UST: variants seen among roughly 807,000 people sequenced by gnomAD.
UST encodes the protein uronyl 2-sulfotransferase.
UST carries 21 observed loss-of-function variants against 45.6 expected under a neutral mutation model. That is an observed-to-expected ratio of 0.46 (90% CI 0.33 to 0.66). UST has a LOEUF of 0.66. Among genes scored for constraint, UST ranks in the 30% least tolerant of loss-of-function variants. The pLI, the probability that UST is intolerant of heterozygous loss-of-function variation, is 0.02. For synonymous variants in UST, 215 were observed against 200.6 expected, an observed-to-expected ratio of 1.07 and a Z score of -0.61; for missense variants, 463 against 512.4, an observed-to-expected ratio of 0.90 and a Z score of 0.93.
intron 1 of UST, among the ~76,000 whole-genome samples, chr6:148,859,056 T>C (rs1042444443): frequency 1.3e-5 from 2 of 152,236 alleles, no homozygotes; most frequent in South Asian, 2.1e-4. Flanking sequence ...TAGTTCTAGA[T>C]CCTTGAGGAA....
At chr6:148,938,405 T>C (rs746797587) in intron 2 of UST, among the ~76,000 whole-genome samples, 6 of 152,218 alleles carry the variant, frequency 3.9e-5, no homozygotes, top group Non-Finnish European at 5.9e-5. Flanking sequence ...GTGAATGATA[T>C]AGATATTATA....
At chr6:148,906,129 C>A (rs77739130) in intron 2 of UST, among the ~76,000 whole-genome samples, 1 of 152,134 alleles carries the variant, frequency 6.6e-6, no homozygotes, top group Admixed American at 6.5e-5. Context: ...GTGCCTCTAG[C>A]GCGGTGCTGT....
intron 1 of UST, among the ~76,000 whole-genome samples, chr6:148,819,581 G>C (rs1777417254): frequency 6.6e-6 from 1 of 152,174 alleles, no homozygotes. Flanking sequence ...TATCCAGGTG[G>C]ATAATTACGT....
intron 1 of UST, among the ~76,000 whole-genome samples, chr6:148,825,054 C>T (rs1777545163): frequency 6.6e-6 from 1 of 151,892 alleles, no homozygotes. Context: ...GTATATGTGC[C>T]ACATTTTCTT....
chr6:148,817,799 G>T (rs1473142254), intron 1 of UST, among the ~76,000 whole-genome samples: 1 of 152,154 alleles, frequency 6.6e-6, no homozygotes, highest in African/African-American at 2.4e-5. Context: ...GTATCATGAG[G>T]CATGTCCTAC....
intron 2 of UST, among the ~76,000 whole-genome samples, chr6:148,905,627 A>T (rs113619219): frequency 2.2e-4 from 33 of 152,316 alleles, no homozygotes; most frequent in African/African-American, 7.5e-4. Flanking sequence ...AAAATGAGCA[A>T]TGTGAAGCCA....
chr6:149,027,131 G>T (rs1460382557), intron 7 of UST, among the ~76,000 whole-genome samples: 2 of 152,022 alleles, frequency 1.3e-5, no homozygotes, highest in Non-Finnish European at 2.9e-5. Flanking sequence ...GGATGGTAGT[G>T]TGCTCACTGA....
chr6:149,016,507 A>G (rs1483051810), intron 5 of UST, among the ~76,000 whole-genome samples: 2 of 121,914 alleles, frequency 1.6e-5, no homozygotes, highest in African/African-American at 6.8e-5. Flanking sequence ...CTCATTCAGT[A>G]TCTATTGCAC....
intron 3 of UST, 80 bp from the exon 4 acceptor site, chr6:148,953,787 AAAAAG>A: frequency 1.3e-6 from 1 of 792,920 alleles, no homozygotes; most frequent in Non-Finnish European, 1.8e-6. Flanking sequence ...AAAAAAAAAA[AAAAAG>A]AGTGGGATAC....
chr6:148,775,366 G>A (rs559372523), intron 1 of UST, among the ~76,000 whole-genome samples: 2 of 152,258 alleles, frequency 1.3e-5, no homozygotes, highest in African/African-American at 4.8e-5. Context: ...AGGATGGAGC[G>A]AGGTGGTGGT....
rs148328720 is a variant in UST at position 148,902,087 on chromosome 6, T to C, written c.291+15058T>C. Reference sequence around the variant, plus strand: ...ATTTTTTATATGAACATCTAATCTGTCTCTGTGGAAGCTTCTTATTCTTCG... The same window carrying C: ...ATTTTTTATATGAACATCTAATCTGCCTCTGTGGAAGCTTCTTATTCTTCG... On this transcript the variant is annotated intron_variant, in intron 2 of 7. Coordinates refer to ENST00000367463, the MANE Select transcript of UST (RefSeq NM_005715.3). Among the ~76,000 whole-genome samples the C allele has an allele frequency of 2.1e-3, 315 of 152,328 alleles. 1 individual carries two copies. The highest frequency in any genetic ancestry group is 7.4e-3 in the African/African-American group (309 of 41,576).
intron 5 of UST, among the ~76,000 whole-genome samples, chr6:148,989,679 G>C (rs1781310798): frequency 6.6e-6 from 1 of 152,116 alleles, no homozygotes; most frequent in African/African-American, 2.4e-5. Context: ...ATCACATTCA[G>C]CCTCCCAAGA....
chr6:148,834,486 G>A (rs532465274), intron 1 of UST, among the ~76,000 whole-genome samples: 1 of 152,260 alleles, frequency 6.6e-6, no homozygotes, highest in Non-Finnish European at 1.5e-5. Flanking sequence ...TGTAATCCCA[G>A]CACTTTGGGA....
intron 1 of UST, among the ~76,000 whole-genome samples, chr6:148,836,975 G>T (rs1040515684): frequency 1.3e-5 from 2 of 152,102 alleles, no homozygotes; most frequent in Non-Finnish European, 2.9e-5. Flanking sequence ...CAAGAATCAG[G>T]ATCATTTTCC....
chr6:149,015,522 G>A (rs773213450), intron 5 of UST, among the ~76,000 whole-genome samples: 1 of 152,208 alleles, frequency 6.6e-6, no homozygotes, highest in Non-Finnish European at 1.5e-5. Flanking sequence ...AACCAGAGGA[G>A]CAAGTCGTAG....
intron 1 of UST, among the ~76,000 whole-genome samples, chr6:148,793,078 G>A (rs552444036): frequency 2.6e-4 from 39 of 152,230 alleles, no homozygotes; most frequent in African/African-American, 8.9e-4. Flanking sequence ...GAGAAAGATG[G>A]AGAGGACCAC....
At chr6:149,049,931 T>A (rs9390653) in intron 7 of UST, among the ~76,000 whole-genome samples, 75,710 of 134,042 alleles carry the variant, frequency 0.56, 21,330 homozygotes, top group Non-Finnish European at 0.6. Context: ...TCTCTCTCTC[T>A]CACACACACA....
intron 2 of UST, among the ~76,000 whole-genome samples, chr6:148,925,390 G>A (rs1315329861): frequency 6.6e-6 from 1 of 152,046 alleles, no homozygotes; most frequent in African/African-American, 2.4e-5. Context: ...AGAAAGGGAC[G>A]AATGCAGATG....
chr6:148,984,631 C>T (rs1033703616), intron 5 of UST, among the ~76,000 whole-genome samples: 1 of 152,190 alleles, frequency 6.6e-6, no homozygotes, highest in Non-Finnish European at 1.5e-5. Context: ...AACCCCTGGG[C>T]TCAAGCAATC....
Sources: gnomAD v4.1 joint callset for allele counts (sites outside exome capture counted in the v4.1 genomes callset) on GRCh38, gnomAD v4.1.1 for gene constraint, MANE v1.5 for transcripts, NCBI Gene and HGNC (gene_info 2026-07-23, HGNC 2026-07-21) for gene names.